Variants in CADPS observed in about 807,000 individuals in gnomAD.
CADPS encodes the protein calcium-dependent secretion activator 1.
Under a neutral mutation model 167.3 loss-of-function variants are expected in CADPS, and 57 were observed. That is an observed-to-expected ratio of 0.34 (90% CI 0.28 to 0.42). The LOEUF (loss-of-function observed/expected upper bound fraction) is 0.42, where lower values mean the gene tolerates loss of function less well. Ranked by LOEUF, CADPS falls within the 20% of genes least tolerant of loss-of-function variation. The probability of loss-of-function intolerance (pLI) is 1.00; values close to 1 mark genes in which losing one functional copy is unlikely to be tolerated. For synonymous variants in CADPS, 676 were observed against 635.3 expected (o/e 1.06, Z -0.96); for missense variants, 1,414 against 1,738.1 (o/e 0.81, Z 3.32).
chr3:62,416,604 A>G (rs2050105402), intron 28 of CADPS, among the ~76,000 whole-genome samples: 1 of 152,188 alleles, frequency 6.6e-6, no homozygotes, highest in Non-Finnish European at 1.5e-5. Flanking sequence ...AAAAACATGA[A>G]GACACCGAAC....
At chr3:62,556,994 AACACACACACACACACACACAC>A (rs56228621) in intron 10 of CADPS, among the ~76,000 whole-genome samples, 24 of 143,666 alleles carry the variant, frequency 1.7e-4, no homozygotes, top group South Asian at 9.1e-4. Flanking sequence ...GGTGAAAAAC[AACACACACACACACACACACAC>A]ACACACACAC....
chr3:62,455,334 T>C lies in CADPS; in HGVS notation c.3637-9537A>G, dbSNP rs2058565146. On this transcript the variant is annotated intron_variant, in intron 26 of 29. Transcript: ENST00000383710. The surrounding 1 kb of genome is among the most constrained non-coding windows in gnomAD (Gnocchi z 4.4). ...TGCTTACTCTTTGCCTAGCACAAGG[T>C]TAAGCAATTTATAAGGAATTCACCC... Among the ~76,000 whole-genome samples, 1 of 152,140 alleles carries C rather than the reference T, an allele frequency of 6.6e-6. No homozygotes were observed. Among genetic ancestry groups the C allele is most frequent in the African/African-American group, 2.4e-5 (1 of 41,432 alleles).
intron 3 of CADPS, among the ~76,000 whole-genome samples, chr3:62,715,374 C>CTATG (rs1341752964): frequency 7.4e-6 from 1 of 135,812 alleles, no homozygotes; most frequent in Admixed American, 7.6e-5. Context: ...ATCTATCTAC[C>CTATG]TATCTATCTA....
In CADPS at chr3:62,560,559, C is replaced by T. The variant is rs112082236; in HGVS notation, c.1645-3046G>A. On this transcript the variant is annotated intron_variant, in intron 9 of 29. Transcript: ENST00000383710. Reference sequence around the variant, plus strand: ...TGATCAGCAGACATCTGAAAGTGCACTTTGCAGAGAAGGGCTTAAAGAACT... The same window carrying T: ...TGATCAGCAGACATCTGAAAGTGCATTTTGCAGAGAAGGGCTTAAAGAACT... Among the ~76,000 whole-genome samples, 407 of 152,260 alleles carry T rather than the reference C, an allele frequency of 2.7e-3. 1 individual carries two copies. Among genetic ancestry groups the T allele is most frequent in the Non-Finnish European group, 4.6e-3 (314 of 68,024 alleles).
intron 1 of CADPS, among the ~76,000 whole-genome samples, chr3:62,785,006 T>C (rs1334941811): frequency 6.6e-6 from 1 of 152,134 alleles, no homozygotes; most frequent in Non-Finnish European, 1.5e-5. Flanking sequence ...ATCTTTATAT[T>C]TTGGAGATTC....
chr3:62,473,020 G>C (rs1362770776), intron 24 of CADPS, among the ~76,000 whole-genome samples: 1 of 152,158 alleles, frequency 6.6e-6, no homozygotes, highest in Non-Finnish European at 1.5e-5. Flanking sequence ...TCTTGGGTGA[G>C]ACTCAATGAT....
At chr3:62,863,663 G>T (rs867883913) in intron 1 of CADPS, among the ~76,000 whole-genome samples, 2 of 152,142 alleles carry the variant, frequency 1.3e-5, no homozygotes, top group Admixed American at 1.3e-4. Context: ...ATCTACTTAC[G>T]CCATGGAAGT....
chr3:62,873,575 A>G (rs2083039917), intron 1 of CADPS, among the ~76,000 whole-genome samples: 1 of 138,816 alleles, frequency 7.2e-6, no homozygotes, highest in Admixed American at 7.2e-5. Flanking sequence ...AGTACCCCTC[A>G]TCCCTTTCTC....
chr3:62,569,648 T>A (rs115562593), intron 9 of CADPS, among the ~76,000 whole-genome samples: 1 of 152,168 alleles, frequency 6.6e-6, no homozygotes, highest in Non-Finnish European at 1.5e-5. Context: ...GGGAGTTGCT[T>A]TGTAGTCAGG....
chr3:62,638,726 C>A (rs2066829897), intron 6 of CADPS, among the ~76,000 whole-genome samples: 1 of 152,172 alleles, frequency 6.6e-6, no homozygotes, highest in African/African-American at 2.4e-5. Context: ...CAACTAATTT[C>A]AGAAATTTCA....
chr3:62,481,877 A>G lies in CADPS; in HGVS notation c.3027-8T>C. 6.2e-7 allele frequency: 1 copy of G among 1,603,356 alleles called. No individual in the cohort carries two copies. Among genetic ancestry groups the G allele is most frequent in the Non-Finnish European group, 8.5e-7 (1 of 1,176,166 alleles). On this transcript the variant is annotated splice_region_variant and splice_polypyrimidine_tract_variant and intron_variant, in intron 21 of 29. Coordinates refer to ENST00000383710, the MANE Select transcript of CADPS (RefSeq NM_003716.4). ...AGGTTACTGGTTAAACTCCTGTGGA[A>G]GAAACAGACAGAAAGAAAAAATACC...
intron 6 of CADPS, among the ~76,000 whole-genome samples, chr3:62,635,548 A>G (rs1259885705): frequency 6.6e-6 from 1 of 151,834 alleles, no homozygotes; most frequent in East Asian, 1.9e-4. Context: ...ATATATTTTT[A>G]TGTGTGTGTA....
intron 18 of CADPS, among the ~76,000 whole-genome samples, chr3:62,495,508 T>A (rs1394167094): frequency 6.6e-6 from 1 of 152,178 alleles, no homozygotes. Context: ...TTATAAACCT[T>A]TTCCAAAGAC....
At chr3:62,628,028 A>G (rs2064453141) in intron 6 of CADPS, among the ~76,000 whole-genome samples, 1 of 152,174 alleles carries the variant, frequency 6.6e-6, no homozygotes, top group South Asian at 2.1e-4. Context: ...CTAAACACCT[A>G]GCTCTTTTCT....
At chr3:62,754,199 T>A (rs141345911) in intron 2 of CADPS, among the ~76,000 whole-genome samples, 1 of 152,098 alleles carries the variant, frequency 6.6e-6, no homozygotes, top group Non-Finnish European at 1.5e-5. Context: ...CTTTTTGAGA[T>A]AGTCTTGCTC....
At chr3:62,824,301 G>C (rs1381881377) in intron 1 of CADPS, among the ~76,000 whole-genome samples, 1 of 152,144 alleles carries the variant, frequency 6.6e-6, no homozygotes, top group Non-Finnish European at 1.5e-5. Context: ...ATATTCAACA[G>C]TTATCATCAG....
chr3:62,512,867 G>T, intron 16 of CADPS, 99 bp from the exon 17 acceptor site: 1 of 956,368 alleles, frequency 1.0e-6, no homozygotes, highest in Non-Finnish European at 1.6e-6. Flanking sequence ...CCCCACTTAT[G>T]TGTGATACAT....
chr3:62,535,070 G>A (rs896637949), intron 12 of CADPS, among the ~76,000 whole-genome samples: 3 of 151,958 alleles, frequency 2.0e-5, no homozygotes, highest in African/African-American at 7.2e-5. Flanking sequence ...AATTCCTTAA[G>A]GGAATAGTAA....
intron 15 of CADPS, among the ~76,000 whole-genome samples, 159 bp from the exon 16 acceptor site, chr3:62,516,341 C>T (rs536814167): frequency 6.6e-6 from 1 of 152,264 alleles, no homozygotes; most frequent in South Asian, 2.1e-4. Context: ...AAAGCATTGG[C>T]AAAGGCCGTC....
Sources: gnomAD v4.1 joint callset for allele counts (sites outside exome capture counted in the v4.1 genomes callset) on GRCh38, gnomAD v4.1.1 for gene constraint, Gnocchi (gnomAD v3.1) non-coding constraint, MANE v1.5 for transcripts, NCBI Gene and HGNC (gene_info 2026-07-23, HGNC 2026-07-21) for gene names.